The following DMD variants were observed in gnomAD, a reference collection of about 807,000 sequenced individuals.
DMD encodes the protein mutant dystrophin.
DMD carries 63 observed loss-of-function variants against 330.1 expected under a neutral mutation model. The ratio of observed to expected loss-of-function variants is 0.19; its 90% CI spans 0.16 to 0.24. The LOEUF is 0.24. DMD is among the 10% of genes least tolerant of loss of function. The pLI is 1.00. For synonymous variants in DMD, 1,223 were observed against 959.8 expected (o/e 1.27, Z -5.07); for missense variants, 3,344 against 2,684.1 (o/e 1.25, Z -5.43).
At chrX:32,837,131 G>A (rs1446942483) in intron 4 of DMD, among the ~76,000 whole-genome samples, 1 of 111,894 alleles carries the variant, frequency 8.9e-6, no homozygotes, top group African/African-American at 3.2e-5. Flanking sequence ...CAACATCAGA[G>A]TTCTCGGCAT....
At chrX:32,746,248 C>G (rs1206623305) in intron 7 of DMD, among the ~76,000 whole-genome samples, 1 of 112,182 alleles carries the variant, frequency 8.9e-6, no homozygotes, top group African/African-American at 3.2e-5. Flanking sequence ...GACGTTCTAT[C>G]TGGAGTCAAG....
intron 45 of DMD, among the ~76,000 whole-genome samples, chrX:31,934,559 A>G (rs1415872709): frequency 8.9e-6 from 1 of 111,962 alleles, no homozygotes; most frequent in Non-Finnish European, 1.9e-5. Flanking sequence ...AGAAATAAGC[A>G]CATCCACTGT....
intron 33 of DMD, among the ~76,000 whole-genome samples, chrX:32,385,611 TTAC>T (rs2097952414): frequency 7.7e-5 from 2 of 26,082 alleles, no homozygotes; most frequent in Non-Finnish European, 6.3e-5. Context: ...AAGAGACTAC[TTAC>T]TATCATAATC....
In DMD at chrX:32,577,287, C is replaced by T. The variant is rs762058826; in HGVS notation, c.1603-3441G>A. 2.7e-5 allele frequency among the ~76,000 whole-genome samples: 3 copies of T among 112,079 alleles called. No homozygotes were observed. In the South Asian group the frequency reaches 1.1e-3, roughly 42 times the overall value. ...ACAAGAGACCAATCCTTGCCAGTAC[C>T]TTGGTCTTGAACTTCTGGCCCCCAG... is the stretch of plus-strand genomic sequence containing the variant. On this transcript the variant is annotated intron_variant, in intron 13 of 78. Transcript: ENST00000357033.
chrX:32,206,803 C>G (rs1378479199), intron 44 of DMD: 7 of 388,763 alleles, frequency 1.8e-5, no homozygotes, highest in Non-Finnish European at 2.8e-5. Flanking sequence ...CAGTTGATAT[C>G]TGGCTGTCGT....
chrX:32,099,602 T>C (rs2096529373), intron 44 of DMD, among the ~76,000 whole-genome samples: 1 of 108,851 alleles, frequency 9.2e-6, no homozygotes, highest in African/African-American at 3.4e-5. Flanking sequence ...GGGACATGGA[T>C]GAAACTGGAA....
intron 52 of DMD, among the ~76,000 whole-genome samples, chrX:31,707,151 A>AT (rs1040787297): frequency 1.1e-4 from 12 of 109,460 alleles, no homozygotes; most frequent in Non-Finnish European, 1.7e-4. Context: ...TAATGAAAGG[A>AT]TTTTTTTCCC....
chrX:32,511,541 A>G (rs751958490), intron 18 of DMD, among the ~76,000 whole-genome samples: 1,695 of 107,507 alleles, frequency 0.016, 34 homozygotes, highest in African/African-American at 0.054. Flanking sequence ...AAAAAAAAAA[A>G]AAAAAAGAAA....
intron 44 of DMD, among the ~76,000 whole-genome samples, chrX:32,201,474 C>T (rs1259942315): frequency 4.5e-5 from 4 of 88,035 alleles, no homozygotes; most frequent in South Asian, 5.5e-4. Flanking sequence ...CAAACACCCC[C>T]CCCCCCCCCA....
chrX:32,129,890 C>A (rs969412784), intron 44 of DMD, among the ~76,000 whole-genome samples: 2 of 109,764 alleles, frequency 1.8e-5, no homozygotes, highest in Non-Finnish European at 3.8e-5. Flanking sequence ...TTATTAGCTG[C>A]AACACAATAC....
intron 44 of DMD, among the ~76,000 whole-genome samples, chrX:32,086,152 C>T (rs1028821807): frequency 9.0e-6 from 1 of 111,724 alleles, no homozygotes; most frequent in Non-Finnish European, 1.9e-5. Context: ...CAGATCAGAT[C>T]GGTGATTACT....
At chrX:33,136,789 C>T (rs6631744) in intron 1 of DMD, among the ~76,000 whole-genome samples, 37,292 of 109,236 alleles carry the variant, frequency 0.34, 5,108 homozygotes, top group East Asian at 0.87. Context: ...AATAAATCTT[C>T]GTTGTTTATA....
intron 62 of DMD, among the ~76,000 whole-genome samples, chrX:31,320,939 C>A (rs910519464): frequency 9.0e-6 from 1 of 111,099 alleles, no homozygotes; most frequent in East Asian, 2.8e-4. Flanking sequence ...GCAAATTTTC[C>A]TGCCTATTGT....
chrX:32,838,810 C>A (rs957688498), intron 4 of DMD, among the ~76,000 whole-genome samples: 4 of 111,987 alleles, frequency 3.6e-5, no homozygotes, highest in African/African-American at 9.7e-5. Context: ...AATAGGAATG[C>A]TTTTACACTG....
intron 2 of DMD, among the ~76,000 whole-genome samples, chrX:33,010,769 A>T (rs1350206891): frequency 9.0e-6 from 1 of 110,674 alleles, no homozygotes; most frequent in Non-Finnish European, 1.9e-5. Context: ...AGGGTTCAAT[A>T]AATTCCTCAG....
chrX:31,664,754 T>A (rs1421670262), intron 53 of DMD, among the ~76,000 whole-genome samples: 1 of 106,195 alleles, frequency 9.4e-6, no homozygotes, highest in East Asian at 3.0e-4. Context: ...CTTGCTCAGG[T>A]ACTAAAATAA....
Position 31,121,331 on chromosome X carries a change from A to C in DMD, c.*588T>G, listed in dbSNP as rs1316243621. 1 of 119,891 alleles carries C rather than the reference A, an allele frequency of 8.3e-6. No individual in the cohort carries two copies. Among genetic ancestry groups the C allele is most frequent in the Non-Finnish European group, 1.7e-5 (1 of 58,697 alleles). 9.9% of individuals were successfully genotyped at this position (119,891 alleles called of 1,213,427 possible). On this transcript the variant is annotated 3_prime_UTR_variant, in exon 79 of 79. Transcript: ENST00000357033. Reference sequence around the variant, plus strand: ...TAGTCATTTGGTGTGGTGGTAGAGGAAGTCTTATCTTTAATATGCAAAAAA... The same window carrying C: ...TAGTCATTTGGTGTGGTGGTAGAGGCAGTCTTATCTTTAATATGCAAAAAA...
intron 50 of DMD, among the ~76,000 whole-genome samples, chrX:31,816,479 A>T (rs763544721): frequency 3.2e-4 from 35 of 110,368 alleles, no homozygotes; most frequent in African/African-American, 1.1e-3. Context: ...GAGTGAACCA[A>T]TTTTTTCTAC....
chrX:32,412,505 T>C (rs935787018), intron 29 of DMD, among the ~76,000 whole-genome samples: 1 of 112,318 alleles, frequency 8.9e-6, no homozygotes, highest in African/African-American at 3.2e-5. Flanking sequence ...TTTGTACAAT[T>C]GGGTTTATGT....
Sources: gnomAD v4.1 joint callset for allele counts (sites outside exome capture counted in the v4.1 genomes callset) on GRCh38, gnomAD v4.1.1 for gene constraint, MANE v1.5 for transcripts, NCBI Gene and HGNC (gene_info 2026-07-23, HGNC 2026-07-21) for gene names.